The following MAP7 variants were observed in gnomAD, a reference collection of about 807,000 sequenced individuals.
MAP7 encodes ensconsin.
In MAP7, 52 loss-of-function variants were observed where a neutral mutation model predicts 94.8. That is an observed-to-expected ratio of 0.55 (90% CI 0.44 to 0.69). The LOEUF (loss-of-function observed/expected upper bound fraction) is 0.69, where lower values mean the gene tolerates loss of function less well. Ranked by LOEUF, MAP7 falls within the 30% of genes least tolerant of loss-of-function variation. MAP7 has a pLI of 0.00. For synonymous variants in MAP7, 350 were observed against 357.0 expected (o/e 0.98, Z 0.22); for missense variants, 940 against 964.6 (o/e 0.97, Z 0.34).
At chr6:136,466,275 A>G (rs1807019546) in intron 1 of MAP7, among the ~76,000 whole-genome samples, 1 of 152,198 alleles carries the variant, frequency 6.6e-6, no homozygotes, top group African/African-American at 2.4e-5. Flanking sequence ...CTCTAAATAG[A>G]AAAGCAACCA....
At chr6:136,549,973 G>A (rs181969667) in intron 1 of MAP7, among the ~76,000 whole-genome samples, 1 of 152,330 alleles carries the variant, frequency 6.6e-6, no homozygotes, top group East Asian at 1.9e-4. Flanking sequence ...CACTGGTTTG[G>A]TCTGGGGGAT....
intron 1 of MAP7, among the ~76,000 whole-genome samples, chr6:136,454,333 G>A (rs943398799): frequency 2.1e-5 from 3 of 141,854 alleles, no homozygotes; most frequent in African/African-American, 7.9e-5. Context: ...CTGAGACAGG[G>A]TCTTACGCTG....
At chr6:136,530,070 T>C (rs1828352194) in intron 1 of MAP7, among the ~76,000 whole-genome samples, 1 of 152,184 alleles carries the variant, frequency 6.6e-6, no homozygotes, top group Admixed American at 6.5e-5. Context: ...TGTGTGACCA[T>C]AAAGTTGGAA....
chr6:136,422,608 T>C (rs899367333), intron 1 of MAP7, among the ~76,000 whole-genome samples: 29 of 152,328 alleles, frequency 1.9e-4, no homozygotes, highest in African/African-American at 6.7e-4. Flanking sequence ...GAGACAAATA[T>C]ACAATCCATT....
intron 10 of MAP7, 60 bp downstream of exon 10, chr6:136,365,675 A>C (rs965028817): frequency 1.3e-6 from 2 of 1,547,378 alleles, no homozygotes; most frequent in Non-Finnish European, 1.7e-6. Flanking sequence ...AAAAAGCTTC[A>C]TCAAAACAGT....
intron 5 of MAP7, among the ~76,000 whole-genome samples, chr6:136,387,638 A>G (rs1779526654): frequency 6.6e-6 from 1 of 152,146 alleles, no homozygotes; most frequent in Non-Finnish European, 1.5e-5. Flanking sequence ...TAGTACCACC[A>G]AAAGTTATGA....
intron 1 of MAP7, among the ~76,000 whole-genome samples, chr6:136,492,157 G>A (rs1816810045): frequency 6.6e-6 from 1 of 152,200 alleles, no homozygotes; most frequent in Non-Finnish European, 1.5e-5. Context: ...AGATCATCAG[G>A]CATTAGTTAG....
intron 1 of MAP7, among the ~76,000 whole-genome samples, chr6:136,546,118 T>A (rs943331322): frequency 3.3e-5 from 5 of 152,188 alleles, no homozygotes; most frequent in Non-Finnish European, 5.9e-5. Context: ...GTTCAAGTGA[T>A]TCTTCTGCCT....
In MAP7 at chr6:136,372,633, A is replaced by G. The variant is rs910652303; in HGVS notation, c.752-8T>C. 4 of 1,614,086 alleles carry G rather than the reference A, an allele frequency of 2.5e-6. No individual in the cohort carries two copies. In the Admixed American group the frequency reaches 5.0e-5, roughly 20 times the overall value. On this transcript the variant is annotated splice_polypyrimidine_tract_variant and splice_region_variant and intron_variant, in intron 7 of 17. Transcript: ENST00000354570. ...TGATGGGGCTGCAAGATGCTGAACG[A>G]GGACAAATGGGGATAACTAGGGTGC...
chr6:136,389,382 T>C lies in MAP7; in HGVS notation c.380A>G (p.Lys127Arg). 6.4e-7 allele frequency: 1 copy of C among 1,563,676 alleles called. No homozygotes were observed. Among genetic ancestry groups the C allele is most frequent in the Non-Finnish European group, 8.6e-7 (1 of 1,160,834 alleles). ...GTCCTCCTCAAGTCTCTGCCTCCGC[T>C]TCTCCTCCACAGCAGCCCTCCTCCG... ...EERRRAAVEEKRRQRLEEDKE... is the reference protein window; with the variant it reads ...EERRRAAVEERRRQRLEEDKE... Residue 127 changes from lysine (K) to arginine (R), a missense_variant, in exon 4 of 18, where the codon AAG (lysine) becomes AGG (arginine). Physicochemically the swap from Lys to Arg is conservative, Grantham distance 26. Coordinates refer to ENST00000354570, the MANE Select transcript of MAP7 (RefSeq NM_003980.6).
rs118184104 is a variant in MAP7 at position 136,528,773 on chromosome 6, C to A, written c.67+21569G>T. Among the ~76,000 whole-genome samples the A allele has an allele frequency of 8.0e-4, 122 of 152,318 alleles. 2 individuals carry two copies. The East Asian group carries it at 0.021, about 26-fold the overall frequency. ...CATCCTGCTGTCGTGTAAATCCTGA[C>A]CCCAACATCAACTAGCTGTGTCACT... On this transcript the variant is annotated intron_variant, in intron 1 of 17. Transcript: ENST00000354570.
intron 1 of MAP7, among the ~76,000 whole-genome samples, chr6:136,442,716 C>T (rs1400938016): frequency 6.6e-6 from 1 of 152,134 alleles, no homozygotes; most frequent in Non-Finnish European, 1.5e-5. Context: ...TTTTTCATTG[C>T]TTGGCAAAAC....
intron 1 of MAP7, among the ~76,000 whole-genome samples, chr6:136,502,335 A>G (rs1344100526): frequency 1.3e-5 from 2 of 152,268 alleles, no homozygotes; most frequent in African/African-American, 4.8e-5. Flanking sequence ...ACACAGAATT[A>G]TTCCCTGGCC....
intron 16 of MAP7, among the ~76,000 whole-genome samples, chr6:136,354,149 C>A (rs1790102649): frequency 1.5e-5 from 2 of 137,680 alleles, no homozygotes. Context: ...TATACATCTA[C>A]TATATATAAA....
At chr6:136,541,713 T>G (rs1829334046) in intron 1 of MAP7, among the ~76,000 whole-genome samples, 1 of 152,160 alleles carries the variant, frequency 6.6e-6, no homozygotes, top group Admixed American at 6.6e-5. Flanking sequence ...TGAAGAACAG[T>G]TGAATGCAGT....
intron 7 of MAP7, among the ~76,000 whole-genome samples, chr6:136,376,544 C>T (rs1433798675): frequency 3.9e-5 from 6 of 152,234 alleles, no homozygotes; most frequent in Non-Finnish European, 4.4e-5. Context: ...AATGTGATGG[C>T]TCTGACAGGA....
At chr6:136,464,168 T>A (rs1343942269) in intron 1 of MAP7, among the ~76,000 whole-genome samples, 1 of 152,222 alleles carries the variant, frequency 6.6e-6, no homozygotes. Context: ...CTTCTTGATT[T>A]TTTCTTTTCT....
At position 136,344,045 on chromosome 6, in the gene MAP7, T is replaced by C. The variant is rs1252580376; in HGVS notation, c.*183A>G. ...AGACGTATTTCTTTTTTCCTATTGA[T>C]GAAAATTATTAGAAAAGCTATCCAG... On this transcript the variant is annotated 3_prime_UTR_variant, in exon 18 of 18. Transcript: ENST00000354570. 2.8e-6 allele frequency: 1 copy of C among 357,484 alleles called. No homozygotes were observed. The allele number at this position is 357,484 out of a possible 1,614,324, so 22.1% of individuals were successfully genotyped here. A position where few individuals can be genotyped will look rare whatever the true frequency, so the allele number is the denominator to read the frequency against.
chr6:136,507,060 C>A (rs1051379514), intron 1 of MAP7, among the ~76,000 whole-genome samples: 1 of 152,174 alleles, frequency 6.6e-6, no homozygotes, highest in Non-Finnish European at 1.5e-5. Flanking sequence ...ATTCTGGACG[C>A]TGCCTGATTC....
Sources: allele counts gnomAD v4.1 joint callset (sites outside exome capture counted in the v4.1 genomes callset), GRCh38; gene constraint gnomAD v4.1.1; transcripts MANE v1.5; gene names NCBI Gene and HGNC (gene_info 2026-07-23, HGNC 2026-07-21).